Variants in AMZ1 observed in about 807,000 individuals in gnomAD.
AMZ1 encodes archaelysin family metallopeptidase 1.
A neutral mutation model predicts 29.9 loss-of-function variants in AMZ1; 39 were observed. The observed-to-expected ratio is 1.30, with a 90% CI of 1.01 to 1.70. AMZ1 has a LOEUF of 1.70. AMZ1 is among the 40% of genes most tolerant of loss of function. The probability of loss-of-function intolerance (pLI) is 0.00; values close to 1 mark genes in which losing one functional copy is unlikely to be tolerated. For synonymous variants in AMZ1, 458 were observed against 304.0 expected (o/e 1.51, Z -5.27); for missense variants, 1,041 against 680.6 (o/e 1.53, Z -5.89).
intron 6 of AMZ1, 35 bp from the exon 7 acceptor site, chr7:2,712,295 A>C (rs1160118581): frequency 1.3e-6 from 2 of 1,520,794 alleles, no homozygotes; most frequent in Admixed American, 4.2e-5. Flanking sequence ...AAGGGCTGGC[A>C]CGGAGCAAAC....
chr7:2,763,226 A>T, upstream of AMZ1: 1 of 417,050 alleles, frequency 2.4e-6, no homozygotes, highest in Non-Finnish European at 3.4e-6. Flanking sequence ...ACACACACAC[A>T]CACACGGTCT....
intron 4 of AMZ1, among the ~76,000 whole-genome samples, chr7:2,757,103 G>A (rs1219129843): frequency 6.6e-6 from 1 of 150,776 alleles, no homozygotes; most frequent in East Asian, 1.9e-4. Context: ...AGGTGACCTT[G>A]GCAGGCCCGA....
rs1225743343 is a variant in AMZ1 at position 2,691,310 on chromosome 7, C to T, written c.-219+3014C>T. On this transcript the variant is annotated intron_variant, in intron 1 of 6. Transcript: ENST00000683327. ...GTGTGTGAGGACTGGAGTCAGGGGT[C>T]TCTGTGCTGGGAGTCAAGATCCAGG... 1.3e-4 allele frequency among the ~76,000 whole-genome samples: 19 copies of T among 147,654 alleles called. 1 individual carries two copies. Among genetic ancestry groups the T allele is most frequent in the African/African-American group, 4.3e-4 (16 of 37,544 alleles).
chr7:2,727,560 G>C (rs528943008), intron 4 of AMZ1, among the ~76,000 whole-genome samples: 1 of 152,060 alleles, frequency 6.6e-6, no homozygotes, highest in South Asian at 2.1e-4. Context: ...CGTAAAGATG[G>C]GGTCTCTTGT....
rs1280759668 is a variant in AMZ1, at chr7:2,716,582, G to T, written c.*3704G>T. On this transcript the variant is annotated 3_prime_UTR_variant, in exon 7 of 7. Transcript: ENST00000683327. ...ATTTAGATCCCACCAAGTTCAAAGG[G>T]GGAGGCTAGAACATTCCAGGGACAC... The T allele has an allele frequency of 6.6e-6, 1 of 152,234 alleles. No individual in the cohort carries two copies. The highest frequency in any genetic ancestry group is 1.5e-5 in the Non-Finnish European group (1 of 68,052). 9.4% of individuals were successfully genotyped at this position (152,234 alleles called of 1,614,324 possible).
chr7:2,708,696 G>C lies in AMZ1; in HGVS notation c.581G>C (p.Ser194Thr). 1 of 1,612,934 alleles carries C rather than the reference G, an allele frequency of 6.2e-7. No homozygotes were observed. The highest frequency in any genetic ancestry group is 8.5e-7 in the Non-Finnish European group (1 of 1,179,956). Residue 194 changes from serine to threonine, a missense_variant, in exon 4 of 7, where the codon AGC becomes ACC. Ser to Thr is a moderately conservative substitution (Grantham distance 58). Coordinates refer to ENST00000683327, the MANE Select transcript of AMZ1 (RefSeq NM_001384743.1). ...CATGAGGCCTGGAGCTTCACCTTCA[G>C]CAAGTTCCTTCCAGGGCACGGTGAG... Reference protein sequence around the residue: ...YPHEAWSFTFSKFLPGHEVGV... With the variant: ...YPHEAWSFTFTKFLPGHEVGV...
At chr7:2,693,014 A>C (rs965168751) in intron 1 of AMZ1, among the ~76,000 whole-genome samples, 5 of 152,048 alleles carry the variant, frequency 3.3e-5, no homozygotes, top group African/African-American at 1.2e-4. Context: ...ATCCCACCTC[A>C]ATGGAGCCCA....
downstream of AMZ1, among the ~76,000 whole-genome samples, chr7:2,724,039 G>C (rs1189946501): frequency 7.3e-5 from 11 of 150,860 alleles, no homozygotes; most frequent in African/African-American, 2.7e-4. Flanking sequence ...CCGAGTAGCT[G>C]AGATTACAGG....
Position 2,709,714 on chromosome 7 carries a change from G to A in AMZ1, c.846G>A (p.Ala282=), listed in dbSNP as rs150265717. 4.1e-5 allele frequency: 66 copies of A among 1,611,080 alleles called. No individual in the cohort carries two copies. Among genetic ancestry groups the A allele is most frequent in the Admixed American group, 5.0e-5 (3 of 59,980 alleles). Reference sequence around the variant, plus strand: ...GGCTCCGCTGCCTCATGCAGGGTGCGCTCAGCCTGGACGAGGCCCTGCGGC... The same window carrying A: ...GGCTCCGCTGCCTCATGCAGGGTGCACTCAGCCTGGACGAGGCCCTGCGGC... ...CRWLRCLMQG[A]LSLDEALRRP... The change falls in exon 6 of 7, where the codon GCG becomes GCA. Residue 282 remains alanine, a synonymous_variant. Coordinates refer to ENST00000683327, the MANE Select transcript of AMZ1 (RefSeq NM_001384743.1).
intron 1 of AMZ1, among the ~76,000 whole-genome samples, chr7:2,692,085 G>A (rs1583143709): frequency 1.3e-5 from 2 of 152,292 alleles, no homozygotes; most frequent in Non-Finnish European, 2.9e-5. Flanking sequence ...TCATGTCACC[G>A]GTACCCAGAA....
intron 4 of AMZ1, among the ~76,000 whole-genome samples, chr7:2,726,750 T>C (rs938473362): frequency 6.6e-6 from 1 of 152,232 alleles, no homozygotes; most frequent in Non-Finnish European, 1.5e-5. Flanking sequence ...AGATGCCCCG[T>C]GATGCCGAAG....
intron 4 of AMZ1, among the ~76,000 whole-genome samples, chr7:2,724,827 G>A (rs938872410): frequency 6.6e-6 from 1 of 152,210 alleles, no homozygotes; most frequent in Non-Finnish European, 1.5e-5. Flanking sequence ...TGCCGGGCGC[G>A]TGAGAGTCTC....
chr7:2,702,526 G>C, intron 2 of AMZ1, 196 bp from the exon 3 acceptor site: 1 of 607,522 alleles, frequency 1.6e-6, no homozygotes. Flanking sequence ...TCTTTCCTCT[G>C]TGTCCCTCGG....
At chr7:2,735,533 G>A (rs528764979) in intron 4 of AMZ1, among the ~76,000 whole-genome samples, 52 of 152,324 alleles carry the variant, frequency 3.4e-4, no homozygotes, top group African/African-American at 1.2e-3. Flanking sequence ...AGCTCGATGG[G>A]AAGCAGAAAA....
chr7:2,746,235 C>T (rs1205512489), intron 4 of AMZ1, among the ~76,000 whole-genome samples: 1 of 152,178 alleles, frequency 6.6e-6, no homozygotes, highest in Non-Finnish European at 1.5e-5. Context: ...CAGCACCACA[C>T]CACACCTATT....
chr7:2,764,159 C>T (rs1368347916), upstream of AMZ1, among the ~76,000 whole-genome samples: 11 of 152,014 alleles, frequency 7.2e-5, no homozygotes, highest in South Asian at 2.1e-4. Flanking sequence ...CAGCCTCAAA[C>T]TGAAGTGGGC....
intron 4 of AMZ1, among the ~76,000 whole-genome samples, chr7:2,735,151 T>TCTCTCCTGCCTCCTCCTG (rs1203607908): frequency 6.6e-6 from 1 of 152,116 alleles, no homozygotes; most frequent in Non-Finnish European, 1.5e-5. Flanking sequence ...TCAGCGCCTC[T>TCTCTCCTGCCTCCTCCTG]CTCTCCTGCC....
In AMZ1 at chr7:2,740,969, C is replaced by T. The variant is rs531895795; in HGVS notation, n.551-23743C>T. 1.1e-4 allele frequency among the ~76,000 whole-genome samples: 17 copies of T among 152,202 alleles called. 1 individual carries two copies. The East Asian group carries it at 1.2e-3, about 10-fold the overall frequency. On this transcript the variant is annotated intron_variant and non_coding_transcript_variant, in intron 4 of 4. Transcript: ENST00000489665. ...CTAAGGCAGAAGAATGGTGTGAACC[C>T]GGGAGGCAGAGCTTGCAGTGAGCTG...
At chr7:2,753,671 T>C (rs1791145277) in intron 4 of AMZ1, among the ~76,000 whole-genome samples, 1 of 152,206 alleles carries the variant, frequency 6.6e-6, no homozygotes, top group South Asian at 2.1e-4. Flanking sequence ...GTGGTGTGGA[T>C]GTAAGTTTCA....
Sources: allele counts gnomAD v4.1 joint callset (sites outside exome capture counted in the v4.1 genomes callset), GRCh38; gene constraint gnomAD v4.1.1; transcripts MANE v1.5; gene names NCBI Gene and HGNC (gene_info 2026-07-23, HGNC 2026-07-21).